The following RANBP17 variants were observed in gnomAD, a reference collection of about 807,000 sequenced individuals.
RANBP17 encodes ran-binding protein 17.
RANBP17 carries 158 observed loss-of-function variants against 141.2 expected under a neutral mutation model. That is an observed-to-expected ratio of 1.12 (90% confidence interval 0.98 to 1.28). RANBP17 has a LOEUF of 1.28. Ranked by LOEUF, RANBP17 falls within the 50% of genes most tolerant of loss-of-function variation. The pLI, the probability that RANBP17 is intolerant of heterozygous loss-of-function variation, is 0.00. For missense variants in RANBP17, 1,438 were observed against 1,290.7 expected (o/e 1.11, Z -1.75); for synonymous variants, 430 against 450.0 (o/e 0.96, Z 0.56).
At chr5:171,190,031 G>A (rs1761523196) in intron 18 of RANBP17, among the ~76,000 whole-genome samples, 2 of 151,996 alleles carry the variant, frequency 1.3e-5, no homozygotes, top group African/African-American at 4.8e-5. Flanking sequence ...TGGGAGTGGG[G>A]ATAAGAATCA....
intron 12 of RANBP17, among the ~76,000 whole-genome samples, chr5:170,932,499 A>T (rs1773475702): frequency 6.6e-6 from 1 of 152,152 alleles, no homozygotes; most frequent in South Asian, 2.1e-4. Flanking sequence ...TTTCAAAGGG[A>T]ATGCTACCAG....
Position 170,967,270 on chromosome 5 carries a change from C to T in RANBP17, c.1575-972C>T, listed in dbSNP as rs11960886. 7.9e-3 allele frequency among the ~76,000 whole-genome samples: 1,206 copies of T among 152,122 alleles called. 16 individuals are homozygous for T. The highest frequency in any genetic ancestry group is 0.028 in the African/African-American group (1,156 of 41,520). ...TTTGCCTGTACATACATAAAACATT[C>T]TCTGGAAGACATATAAACTATTAAT... On this transcript the variant is annotated intron_variant, in intron 13 of 27. Transcript: ENST00000523189.
At chr5:171,194,114 T>A (rs1057452541) in intron 18 of RANBP17, among the ~76,000 whole-genome samples, 1 of 152,204 alleles carries the variant, frequency 6.6e-6, no homozygotes, top group Admixed American at 6.5e-5. Flanking sequence ...GCTATTTGCA[T>A]TCAAATTTAA....
chr5:171,227,785 A>G (rs2127987151), intron 22 of RANBP17, among the ~76,000 whole-genome samples: 1 of 152,276 alleles, frequency 6.6e-6, no homozygotes, highest in Middle Eastern at 3.4e-3. Context: ...TGCTCAATTT[A>G]CCATTTTGAA....
chr5:171,159,161 G>T (rs1759114207), intron 14 of RANBP17, among the ~76,000 whole-genome samples: 2 of 152,244 alleles, frequency 1.3e-5, no homozygotes, highest in Admixed American at 1.3e-4. Context: ...TTTAGTGGCA[G>T]GCCCTTGGTT....
At chr5:171,220,288 C>G (rs1427324353) in intron 21 of RANBP17, among the ~76,000 whole-genome samples, 1 of 151,408 alleles carries the variant, frequency 6.6e-6, no homozygotes, top group African/African-American at 2.4e-5. Flanking sequence ...GGCACCCGGC[C>G]TTATGAGGTG....
chr5:171,083,489 T>C (rs1186632464), intron 14 of RANBP17, among the ~76,000 whole-genome samples: 1 of 152,244 alleles, frequency 6.6e-6, no homozygotes, highest in East Asian at 1.9e-4. Context: ...GTCTATGGTA[T>C]TCTGTTACAG....
intron 14 of RANBP17, among the ~76,000 whole-genome samples, chr5:171,043,684 C>T (rs1581476387): frequency 6.6e-6 from 1 of 152,112 alleles, no homozygotes; most frequent in South Asian, 2.1e-4. Context: ...TTCCAATTCT[C>T]AATTTCTTTA....
chr5:171,233,299 C>G (rs778476019), intron 22 of RANBP17, among the ~76,000 whole-genome samples: 1 of 152,180 alleles, frequency 6.6e-6, no homozygotes, highest in Non-Finnish European at 1.5e-5. Context: ...TAATTCACTG[C>G]TGGTAGAATG....
intron 14 of RANBP17, among the ~76,000 whole-genome samples, chr5:171,062,577 C>T (rs952587116): frequency 1.2e-4 from 19 of 152,198 alleles, no homozygotes; most frequent in Non-Finnish European, 2.5e-4. Flanking sequence ...ACCTTTCTCT[C>T]TGGCTGCCCT....
chr5:171,057,689 G>C (rs181957139), intron 14 of RANBP17, among the ~76,000 whole-genome samples: 3 of 151,942 alleles, frequency 2.0e-5, no homozygotes, highest in Non-Finnish European at 4.4e-5. Flanking sequence ...GTTTTCTGTT[G>C]CTGGGGAGGC....
Position 171,158,826 on chromosome 5 carries a change from C to G in RANBP17, c.1711-11304C>G, listed in dbSNP as rs142480134. Among the ~76,000 whole-genome samples the G allele has an allele frequency of 1.7e-3, 263 of 152,272 alleles. 1 individual carries two copies. The highest frequency in any genetic ancestry group is 5.6e-3 in the African/African-American group (231 of 41,550). ...GCTATGGGCTGTCATACCACACTTT[C>G]CAGCAGGTGCGGCTGCCTAACACAT... is the stretch of plus-strand genomic sequence containing the variant. On this transcript the variant is annotated intron_variant, in intron 14 of 27. Transcript: ENST00000523189.
At chr5:171,020,792 T>C (rs1159191415) in intron 14 of RANBP17, among the ~76,000 whole-genome samples, 1 of 152,172 alleles carries the variant, frequency 6.6e-6, no homozygotes, top group African/African-American at 2.4e-5. Context: ...AATATTGTTA[T>C]GTGTGAATTT....
chr5:171,172,865 ATAT>A (rs1487955356), intron 16 of RANBP17, among the ~76,000 whole-genome samples: 2 of 151,810 alleles, frequency 1.3e-5, no homozygotes, highest in East Asian at 1.9e-4. Context: ...TTTAATTCAA[ATAT>A]TATAGCCTTT....
chr5:170,911,427 T>G, intron 7 of RANBP17: 1 of 593,846 alleles, frequency 1.7e-6, no homozygotes, highest in East Asian at 2.9e-5. Flanking sequence ...TTTCAGACTT[T>G]CAGATAAACA....
At chr5:171,086,446 A>C (rs9686295) in intron 14 of RANBP17, among the ~76,000 whole-genome samples, 142,380 of 148,208 alleles carry the variant, frequency 0.96, 68,449 homozygotes, top group East Asian at 1. Flanking sequence ...TGTCTCTGCC[A>C]GGCTTTGGTA....
chr5:170,864,729 T>C (rs1036483181), intron 1 of RANBP17, among the ~76,000 whole-genome samples: 1 of 151,852 alleles, frequency 6.6e-6, no homozygotes, highest in Non-Finnish European at 1.5e-5. Context: ...TGCTCAGGAC[T>C]GTTTAAGAAG....
chr5:170,956,973 G>A (rs1486687456), intron 13 of RANBP17, among the ~76,000 whole-genome samples: 1 of 151,668 alleles, frequency 6.6e-6, no homozygotes, highest in African/African-American at 2.4e-5. Context: ...TGGAGGCTGA[G>A]GCGGGAGAAT....
At chr5:170,995,547 G>T (rs1337490090) in intron 14 of RANBP17, among the ~76,000 whole-genome samples, 2 of 152,056 alleles carry the variant, frequency 1.3e-5, no homozygotes, top group African/African-American at 2.4e-5. Context: ...TACAGACAAA[G>T]CTTTGTATAC....
Sources: gnomAD v4.1 joint callset for allele counts (sites outside exome capture counted in the v4.1 genomes callset) on GRCh38, gnomAD v4.1.1 for gene constraint, MANE v1.5 for transcripts, NCBI Gene and HGNC (gene_info 2026-07-23, HGNC 2026-07-21) for gene names.